Variants in MTF1 observed in about 807,000 individuals in gnomAD.
MTF1 encodes the protein metal regulatory transcription factor 1, also known as MRE-binding transcription factor.
A neutral mutation model predicts 70.4 loss-of-function variants in MTF1; 22 were observed. That is an observed-to-expected ratio of 0.31 (90% CI 0.22 to 0.45). The LOEUF is 0.45. MTF1 is among the 20% of genes least tolerant of loss of function. MTF1 has a pLI of 1.00. For synonymous variants in MTF1, 333 were observed against 352.8 expected (o/e 0.94, Z 0.63); for missense variants, 649 against 922.0 (o/e 0.70, Z 3.83).
At chr1:37,826,613 T>C (rs751403741) in intron 7 of MTF1, 16 of 437,042 alleles carry the variant, frequency 3.7e-5, no homozygotes, top group South Asian at 1.8e-4. Context: ...GGAGGGGAAA[T>C]TCAGTGATTC....
chr1:37,835,359 A>G, intron 5 of MTF1, 144 bp from the exon 6 acceptor site: 2 of 701,762 alleles, frequency 2.8e-6, no homozygotes, highest in Non-Finnish European at 4.9e-6. Context: ...TTACACATTA[A>G]TCATCTCAGT....
Position 37,815,468 on chromosome 1 carries a change from C to G in MTF1, c.1930G>C (p.Glu644Gln), listed in dbSNP as rs1341101789. The G allele has an allele frequency of 6.2e-7, 1 of 1,601,938 alleles. No homozygotes were observed. Among genetic ancestry groups the G allele is most frequent in the East Asian group, 2.2e-5 (1 of 44,762 alleles). The change falls in exon 11 of 11, where the codon GAG becomes CAG. Residue 644 changes from glutamate to glutamine, a missense_variant. Transcript: ENST00000373036. The surrounding 1 kb of genome is among the most constrained non-coding windows in gnomAD (Gnocchi z 4.5). ...CQCACRDSAK[E>Q]RASSRRKGCS... ...CCCTTTCTCCTGCTGGATGCCCGCT[C>G]CTTTGCAGAGTCCCGGCATGCACAC...
chr1:37,828,644 G>A (rs1407039411), intron 7 of MTF1, among the ~76,000 whole-genome samples: 2 of 152,160 alleles, frequency 1.3e-5, no homozygotes, highest in African/African-American at 2.4e-5. Flanking sequence ...TTACATGGGT[G>A]TGACGAATTG....
chr1:37,822,268 G>A lies in MTF1; in HGVS notation c.1620C>T (p.Ala540=), dbSNP rs1640921490. 6.2e-7 allele frequency: 1 copy of A among 1,614,164 alleles called. No individual in the cohort carries two copies. Among genetic ancestry groups the A allele is most frequent in the Non-Finnish European group, 8.5e-7 (1 of 1,180,034 alleles). The change falls in exon 9 of 11, where the codon GCC becomes GCT. Residue 540 remains alanine (A), a synonymous_variant. Coordinates refer to ENST00000373036, the MANE Select transcript of MTF1 (RefSeq NM_005955.3). The part of the protein sequence containing the change: ...PAMVQTLPLG[A]NSVLTNNPTI... ...TGGGATTATTAGTTAGGACAGAGTT[G>A]GCACCCAGGGGCAGAGTCTGGACCA...
At chr1:37,857,128 T>C (rs1196463825) in intron 2 of MTF1, 123 bp downstream of exon 2, 15 of 936,396 alleles carry the variant, frequency 1.6e-5, no homozygotes, top group Middle Eastern at 4.4e-4. Context: ...ATGTTGTTGA[T>C]AGCAAAACTA....
At chr1:37,835,007 C>T in intron 6 of MTF1, 72 bp downstream of exon 6, 1 of 1,522,750 alleles carries the variant, frequency 6.6e-7, no homozygotes, top group Non-Finnish European at 9.0e-7. Flanking sequence ...ACATTTTAAC[C>T]TTTGATTGTG....
At position 37,812,754 on chromosome 1, in the gene MTF1, C is replaced by T. The variant is rs1251922399; in HGVS notation, c.*2382G>A. On this transcript the variant is annotated 3_prime_UTR_variant, in exon 11 of 11. Coordinates refer to ENST00000373036, the MANE Select transcript of MTF1 (RefSeq NM_005955.3). ...GGAAGGTCATTACTGCCCTCTGATA[C>T]AAGCTTACTTTGGGGTCCCATCACT... is the stretch of plus-strand genomic sequence containing the variant. 1 of 152,226 alleles carries T rather than the reference C, an allele frequency of 6.6e-6. No homozygotes were observed. The highest frequency in any genetic ancestry group is 1.9e-4 in the East Asian group (1 of 5,186). 9.4% of individuals were successfully genotyped at this position (152,226 alleles called of 1,614,324 possible).
At chr1:37,844,816 C>G (rs1198415742) in intron 2 of MTF1, among the ~76,000 whole-genome samples, 11 of 152,170 alleles carry the variant, frequency 7.2e-5, no homozygotes, top group Non-Finnish European at 1.5e-5. Context: ...CTAAATGACC[C>G]TTCCTCTAGG....
chr1:37,852,379 C>T (rs1359623329), intron 2 of MTF1, among the ~76,000 whole-genome samples: 1 of 152,214 alleles, frequency 6.6e-6, no homozygotes, highest in Non-Finnish European at 1.5e-5. Context: ...AAACTTTTTC[C>T]TTTTCCCATC....
chr1:37,825,626 A>G (rs937803076), intron 7 of MTF1, among the ~76,000 whole-genome samples: 3 of 152,180 alleles, frequency 2.0e-5, no homozygotes, highest in Non-Finnish European at 2.9e-5. Flanking sequence ...TGAACTGCAC[A>G]AGTGGACTTA....
intron 4 of MTF1, among the ~76,000 whole-genome samples, chr1:37,836,624 G>T (rs961086503): frequency 1.3e-5 from 2 of 151,870 alleles, no homozygotes; most frequent in African/African-American, 4.8e-5. Context: ...TATTTTCTCT[G>T]TGGATACATC....
At position 37,840,099 on chromosome 1, in the gene MTF1, G is replaced by A. The variant is rs371973181; in HGVS notation, c.468C>T (p.Asn156=). The A allele has an allele frequency of 4.6e-5, 75 of 1,614,090 alleles. 1 individual carries two copies. The South Asian group carries it at 7.8e-4, about 17-fold the overall frequency. Reference sequence around the variant, plus strand: ...GGTGAGTCTTCTGGTGGGTTCGCAGGTTGCCTGCTGTGCTGTAGGTGCGGG... The same window carrying A: ...GGTGAGTCTTCTGGTGGGTTCGCAGATTGCCTGCTGTGCTGTAGGTGCGGG... ...GCPRTYSTAG[N]LRTHQKTHRG... is the part of the protein sequence containing the mutation. Residue 156 remains asparagine, a synonymous_variant, in exon 3 of 11, where the codon AAC becomes AAT. Coordinates refer to ENST00000373036, the MANE Select transcript of MTF1 (RefSeq NM_005955.3). The surrounding 1 kb of genome is among the most constrained non-coding windows in gnomAD (Gnocchi z 4.5).
intron 9 of MTF1, among the ~76,000 whole-genome samples, chr1:37,819,996 G>T (rs1640886763): frequency 2.0e-5 from 1 of 49,714 alleles, no homozygotes; most frequent in African/African-American, 5.1e-5. Flanking sequence ...GGAGAAGTGA[G>T]ACCCTAAATA....
At chr1:37,835,576 G>T in intron 5 of MTF1, 95 bp downstream of exon 5, 2 of 907,044 alleles carry the variant, frequency 2.2e-6, no homozygotes, top group African/African-American at 1.7e-5. Context: ...AATATATACA[G>T]GATCTATATC....
chr1:37,819,951 CAAAAAAAAAAAAA>C (rs766621404), intron 9 of MTF1, among the ~76,000 whole-genome samples: 21 of 82,696 alleles, frequency 2.5e-4, no homozygotes, highest in Middle Eastern at 0.026. Flanking sequence ...GACTCTGACT[CAAAAAAAAAAAAA>C]AAAAAAAAAA....
chr1:37,855,659 TA>T (rs922569040), intron 2 of MTF1, among the ~76,000 whole-genome samples: 6 of 152,298 alleles, frequency 3.9e-5, no homozygotes, highest in African/African-American at 1.4e-4. Context: ...AATTGACCTG[TA>T]ATAGTTCCTG....
chr1:37,840,311 A>G lies in MTF1; in HGVS notation c.409-153T>C, dbSNP rs1641236478. The G allele has an allele frequency of 3.0e-6, 2 of 661,110 alleles. No homozygotes were observed. Among genetic ancestry groups the G allele is most frequent in the Non-Finnish European group, 5.3e-6 (2 of 376,106 alleles). The allele number at this position is 661,110 out of a possible 1,614,324, so 41.0% of individuals were successfully genotyped here. A position where few individuals can be genotyped will look rare whatever the true frequency, so the allele number is the denominator to read the frequency against. On this transcript the variant is annotated intron_variant, in intron 2 of 10. Transcript: ENST00000373036. This position sits in a 1 kb window ranked among gnomAD's most constrained non-coding sequence, Gnocchi z 4.5. ...AACAGCCTCTAGCAGCAAAGTGGAA[A>G]AACCTTATTGTTGATCAAATCATAC...
Position 37,815,018 on chromosome 1 carries a change from T to C in MTF1, c.*118A>G. On this transcript the variant is annotated 3_prime_UTR_variant, in exon 11 of 11. Transcript: ENST00000373036. This position sits in a 1 kb window ranked among gnomAD's most constrained non-coding sequence, Gnocchi z 4.5. Reference sequence around the variant, plus strand: ...GAATAAAGAAAATACGTCTGAAAGGTGAGGATTTCAAACAGTAGATTTCTT... The same window carrying C: ...GAATAAAGAAAATACGTCTGAAAGGCGAGGATTTCAAACAGTAGATTTCTT... The C allele has an allele frequency of 1.3e-6, 1 of 785,582 alleles. No homozygotes were observed. The highest frequency in any genetic ancestry group is 2.0e-6 in the Non-Finnish European group (1 of 491,240). 48.7% of individuals were successfully genotyped at this position (785,582 alleles called of 1,614,324 possible).
At position 37,815,068 on chromosome 1, in the gene MTF1, A is replaced by G; in HGVS notation, c.*68T>C. 2 of 1,300,422 alleles carry G rather than the reference A, an allele frequency of 1.5e-6. No individual in the cohort carries two copies. Among genetic ancestry groups the G allele is most frequent in the South Asian group, 1.3e-5 (1 of 74,148 alleles). 80.6% of individuals were successfully genotyped at this position (1,300,422 alleles called of 1,614,324 possible). On this transcript the variant is annotated 3_prime_UTR_variant, in exon 11 of 11. Coordinates refer to ENST00000373036, the MANE Select transcript of MTF1 (RefSeq NM_005955.3). This position sits in a 1 kb window ranked among gnomAD's most constrained non-coding sequence, Gnocchi z 4.5. ...TCATCCTTCAAATTTCTGACCCATG[A>G]TGGCAGGCATTGTACCTCATGCCTC...
Sources: gnomAD v4.1 joint callset for allele counts (sites outside exome capture counted in the v4.1 genomes callset) on GRCh38, gnomAD v4.1.1 for gene constraint, Gnocchi (gnomAD v3.1) non-coding constraint, MANE v1.5 for transcripts, NCBI Gene and HGNC (gene_info 2026-07-23, HGNC 2026-07-21) for gene names.